The following KCNMA1 variants were observed in gnomAD, a reference collection of about 807,000 sequenced individuals.
KCNMA1 encodes potassium calcium-activated channel subfamily M alpha 1, also known as Calcium-activated potassium channel subunit alpha-1.
In KCNMA1, 29 loss-of-function variants were observed where a neutral mutation model predicts 140.0. The observed-to-expected ratio is 0.21, with a 90% confidence interval of 0.15 to 0.28. The LOEUF (loss-of-function observed/expected upper bound fraction) is 0.28. KCNMA1 is among the 10% of genes least tolerant of loss of function. The pLI is 1.00. For synonymous variants in KCNMA1, 612 were observed against 611.9 expected (o/e 1.00, Z 0.00); for missense variants, 880 against 1,602.2 (o/e 0.55, Z 7.70).
At chr10:77,291,399 A>G (rs1390618855) in intron 2 of KCNMA1, among the ~76,000 whole-genome samples, 1 of 152,170 alleles carries the variant, frequency 6.6e-6, no homozygotes. Flanking sequence ...CAAAGGTACC[A>G]CCTCAGCAAG....
chr10:77,371,709 A>G (rs959299704), intron 2 of KCNMA1, among the ~76,000 whole-genome samples: 17 of 152,150 alleles, frequency 1.1e-4, no homozygotes, highest in African/African-American at 3.9e-4. Context: ...CCCTGTTATG[A>G]TATGCACTTC....
At chr10:77,580,250 G>A (rs1028420409) in intron 1 of KCNMA1, among the ~76,000 whole-genome samples, 5 of 151,724 alleles carry the variant, frequency 3.3e-5, no homozygotes, top group African/African-American at 4.8e-5. Context: ...GCGTGGTGGC[G>A]GGCGCCTGTA....
intron 1 of KCNMA1, among the ~76,000 whole-genome samples, chr10:77,588,421 A>G (rs1478631446): frequency 6.6e-6 from 1 of 152,198 alleles, no homozygotes; most frequent in Non-Finnish European, 1.5e-5. Context: ...GTAGGTCTGG[A>G]GTCCAGGGCC....
At chr10:77,266,264 G>A (rs555581797) in intron 2 of KCNMA1, among the ~76,000 whole-genome samples, 7 of 152,206 alleles carry the variant, frequency 4.6e-5, no homozygotes, top group African/African-American at 1.7e-4. Context: ...AAGAAACAGT[G>A]CTAAAAAAGA....
At chr10:77,101,052 G>C (rs1451586362) in intron 9 of KCNMA1, among the ~76,000 whole-genome samples, 1 of 152,000 alleles carries the variant, frequency 6.6e-6, no homozygotes, top group Non-Finnish European at 1.5e-5. Flanking sequence ...AGTATTATCA[G>C]GAAATTGATT....
At chr10:77,334,385 G>T (rs1431799850) in intron 2 of KCNMA1, among the ~76,000 whole-genome samples, 1 of 152,162 alleles carries the variant, frequency 6.6e-6, no homozygotes, top group Non-Finnish European at 1.5e-5. Flanking sequence ...AAAAATTAAG[G>T]TGTATTTGAG....
chr10:77,020,454 CTA>C (rs2092705017), intron 16 of KCNMA1: 1 of 152,168 alleles, frequency 6.6e-6, no homozygotes, highest in African/African-American at 2.4e-5. Flanking sequence ...TGTGTCATGA[CTA>C]TTATTAACAC....
intron 1 of KCNMA1, among the ~76,000 whole-genome samples, chr10:77,538,447 C>G (rs1037390463): frequency 1.3e-5 from 2 of 152,182 alleles, no homozygotes; most frequent in Non-Finnish European, 2.9e-5. Context: ...TGGGTCTCTT[C>G]CAACTCTAGA....
chr10:77,562,856 C>T (rs2066841370), intron 1 of KCNMA1, among the ~76,000 whole-genome samples: 2 of 152,214 alleles, frequency 1.3e-5, no homozygotes, highest in Non-Finnish European at 2.9e-5. Context: ...AGAAGTCTTT[C>T]TTTCAAGACA....
chr10:77,142,120 C>T (rs1050291430), intron 5 of KCNMA1, among the ~76,000 whole-genome samples: 2 of 152,140 alleles, frequency 1.3e-5, no homozygotes, highest in Admixed American at 1.3e-4. Context: ...GTAATCCCAG[C>T]ACTTTGGGAG....
chr10:77,101,701 G>A (rs190588052), intron 9 of KCNMA1, among the ~76,000 whole-genome samples: 8 of 152,218 alleles, frequency 5.3e-5, no homozygotes, highest in Admixed American at 3.9e-4. Flanking sequence ...GTCACATTTC[G>A]ACCAGAGCCA....
intron 2 of KCNMA1, among the ~76,000 whole-genome samples, chr10:77,385,034 G>A (rs1273442406): frequency 6.6e-6 from 1 of 152,134 alleles, no homozygotes; most frequent in Non-Finnish European, 1.5e-5. Context: ...GTAACATGGG[G>A]ACAAGAGAAG....
chr10:77,046,692 C>T (rs1042608155), intron 14 of KCNMA1, among the ~76,000 whole-genome samples: 6 of 152,186 alleles, frequency 3.9e-5, no homozygotes, highest in African/African-American at 1.4e-4. Context: ...AACAAACTTG[C>T]CCCAGTTTTT....
chr10:77,272,173 C>T (rs2065340838), intron 2 of KCNMA1, among the ~76,000 whole-genome samples: 1 of 152,160 alleles, frequency 6.6e-6, no homozygotes. Context: ...CTATTGCTTG[C>T]CTAACCTCAA....
intron 15 of KCNMA1, among the ~76,000 whole-genome samples, chr10:77,036,719 C>T (rs1158095835): frequency 6.6e-6 from 1 of 152,112 alleles, no homozygotes; most frequent in Non-Finnish European, 1.5e-5. Context: ...TATGTGCCAG[C>T]CCAGTGATAT....
chr10:77,048,698 G>C (rs2095225136), intron 14 of KCNMA1, among the ~76,000 whole-genome samples: 1 of 152,154 alleles, frequency 6.6e-6, no homozygotes, highest in East Asian at 1.9e-4. Context: ...TTTACTTTCA[G>C]CACAATACTC....
intron 1 of KCNMA1, among the ~76,000 whole-genome samples, chr10:77,460,457 C>A (rs1290499247): frequency 1.3e-5 from 2 of 152,146 alleles, no homozygotes; most frequent in African/African-American, 4.8e-5. Context: ...GCACTACTCA[C>A]ATTAGCAAAG....
intron 2 of KCNMA1, among the ~76,000 whole-genome samples, chr10:77,329,518 C>T (rs1293189236): frequency 6.6e-6 from 1 of 152,154 alleles, no homozygotes; most frequent in South Asian, 2.1e-4. Context: ...TCAGTTAGCA[C>T]CTTGATCTTG....
rs1027255936 is a variant in KCNMA1, at chr10:77,637,409, C to T, written c.234G>A (p.Pro78=). Residue 78 remains proline, a synonymous_variant, in exon 1 of 28, where the codon CCG becomes CCA. Transcript: ENST00000286628. The stretch of plus-strand genomic sequence containing the variant: ...ACATGCGTTGGCCCCGGCTGTCGCA[C>T]GGCACCTCCATGGTCACCGGGATGA... The part of the protein sequence containing the change: ...ALIIPVTMEV[P]CDSRGQRMWW... 2.5e-6 allele frequency: 4 copies of T among 1,613,692 alleles called. No individual in the cohort carries two copies. Among genetic ancestry groups the T allele is most frequent in the Non-Finnish European group, 3.4e-6 (4 of 1,179,936 alleles).
Sources: gnomAD v4.1 joint callset for allele counts (sites outside exome capture counted in the v4.1 genomes callset) on GRCh38, gnomAD v4.1.1 for gene constraint, MANE v1.5 for transcripts, NCBI Gene and HGNC (gene_info 2026-07-23, HGNC 2026-07-21) for gene names.